The following MYO16 variants were observed in gnomAD, a reference collection of about 807,000 sequenced individuals.
MYO16 encodes myosin XVI.
MYO16 carries 94 observed loss-of-function variants against 205.3 expected under a neutral mutation model. The ratio of observed to expected loss-of-function variants is 0.46; its 90% CI spans 0.39 to 0.54. The LOEUF (loss-of-function observed/expected upper bound fraction) is 0.54, where lower values mean the gene tolerates loss of function less well. Ranked by LOEUF, MYO16 falls within the 20% of genes least tolerant of loss-of-function variation. MYO16 has a pLI of 0.00. For synonymous variants in MYO16, 988 were observed against 954.0 expected (o/e 1.04, Z -0.66); for missense variants, 2,315 against 2,387.5 (o/e 0.97, Z 0.63).
intron 20 of MYO16, among the ~76,000 whole-genome samples, chr13:108,966,828 G>A (rs958982088): frequency 2.0e-5 from 3 of 152,104 alleles, no homozygotes; most frequent in African/African-American, 7.2e-5. Flanking sequence ...TTATGGTTTT[G>A]CAGATTTATA....
intron 9 of MYO16, among the ~76,000 whole-genome samples, chr13:108,840,846 T>C (rs889713377): frequency 1.1e-4 from 17 of 152,186 alleles, no homozygotes; most frequent in Non-Finnish European, 2.2e-4. Context: ...ATCTAAAAAT[T>C]ATTTGGAAGA....
chr13:108,636,346 CTTTTTTTTTTT>C (rs71125326), intron 1 of MYO16, among the ~76,000 whole-genome samples: 1,286 of 81,332 alleles, frequency 0.016, 32 homozygotes, highest in African/African-American at 0.046. Context: ...AAATATTTCC[CTTTTTTTTTTT>C]TTTTTTTTTT....
chr13:108,657,794 C>T (rs1466446906), intron 1 of MYO16, among the ~76,000 whole-genome samples: 7 of 152,078 alleles, frequency 4.6e-5, no homozygotes, highest in African/African-American at 1.4e-4. Context: ...TTTTCCTCTT[C>T]CTACCCACAT....
the MYO16 span, among the ~76,000 whole-genome samples, chr13:108,546,338 A>G: frequency 6.6e-6 from 1 of 152,176 alleles, no homozygotes; most frequent in Non-Finnish European, 1.5e-5. Context: ...GCTTTTCTGA[A>G]AATAGGCTCT....
At chr13:108,821,332 T>A (rs1259993567) in intron 8 of MYO16, among the ~76,000 whole-genome samples, 1 of 152,170 alleles carries the variant, frequency 6.6e-6, no homozygotes, top group East Asian at 1.9e-4. Context: ...CTAATGTTTA[T>A]TACTTCATCT....
intron 23 of MYO16, among the ~76,000 whole-genome samples, chr13:109,041,449 G>A (rs576869875): frequency 1.3e-5 from 2 of 152,202 alleles, no homozygotes; most frequent in Non-Finnish European, 2.9e-5. Flanking sequence ...AATGAAGTGG[G>A]AGGAATTCAC....
the MYO16 span, among the ~76,000 whole-genome samples, chr13:108,570,637 G>T: frequency 6.6e-6 from 1 of 152,184 alleles, no homozygotes; most frequent in Admixed American, 6.5e-5. Context: ...TTTCTTACCT[G>T]TTTGCTTACT....
chr13:109,019,634 AAGC>A (rs1192163504), intron 22 of MYO16, 74 bp from the exon 23 acceptor site: 2 of 1,141,808 alleles, frequency 1.8e-6, no homozygotes, highest in Non-Finnish European at 2.5e-6. Context: ...AAATATAAGC[AAGC>A]ATGCTTGAAT....
At chr13:108,670,162 T>G (rs1881924495) in intron 2 of MYO16, among the ~76,000 whole-genome samples, 2 of 152,316 alleles carry the variant, frequency 1.3e-5, no homozygotes, top group South Asian at 4.1e-4. Flanking sequence ...AGGCAATTGA[T>G]GGAGCAAGCC....
intron 23 of MYO16, among the ~76,000 whole-genome samples, chr13:109,022,888 A>G (rs186015699): frequency 0.016 from 2,181 of 135,498 alleles, 67 homozygotes; most frequent in African/African-American, 0.056. Flanking sequence ...TATTTATTAT[A>G]TATACACATG....
At chr13:108,973,886 A>G (rs1407925858) in intron 20 of MYO16, among the ~76,000 whole-genome samples, 1 of 152,144 alleles carries the variant, frequency 6.6e-6, no homozygotes, top group Non-Finnish European at 1.5e-5. Flanking sequence ...ATTAGAGGGA[A>G]AAATATTCCA....
intron 1 of MYO16, among the ~76,000 whole-genome samples, chr13:108,611,551 T>A (rs928820822): frequency 6.6e-6 from 1 of 152,188 alleles, no homozygotes; most frequent in African/African-American, 2.4e-5. Flanking sequence ...GACCATTTGA[T>A]GAATATAAAA....
intron 27 of MYO16, among the ~76,000 whole-genome samples, chr13:109,093,741 C>T (rs889917996): frequency 6.6e-6 from 1 of 152,134 alleles, no homozygotes; most frequent in Non-Finnish European, 1.5e-5. Context: ...CACGTTTTTA[C>T]CTCTTCCGTC....
At chr13:109,003,106 G>GA (rs897377294) in intron 21 of MYO16, among the ~76,000 whole-genome samples, 13 of 151,492 alleles carry the variant, frequency 8.6e-5, no homozygotes, top group South Asian at 8.3e-4. Flanking sequence ...AAATTATTTT[G>GA]AAAAAAAACA....
the MYO16 span, among the ~76,000 whole-genome samples, chr13:108,573,264 G>A: frequency 2.0e-5 from 3 of 152,184 alleles, no homozygotes; most frequent in Admixed American, 6.5e-5. Context: ...TATCTTAGAT[G>A]CGGATTATAG....
intron 32 of MYO16, among the ~76,000 whole-genome samples, chr13:109,142,522 A>AG (rs1256727213): frequency 6.6e-6 from 1 of 152,114 alleles, no homozygotes; most frequent in Non-Finnish European, 1.5e-5. Context: ...AAAGGACCCA[A>AG]GGCTACTCCC....
the MYO16 span, among the ~76,000 whole-genome samples, chr13:108,503,378 C>T: frequency 6.6e-6 from 1 of 152,000 alleles, no homozygotes; most frequent in Non-Finnish European, 1.5e-5. Context: ...GAGATGATTT[C>T]AAAGCAGACC....
chr13:109,131,220 A>G (rs1876516211), intron 31 of MYO16, among the ~76,000 whole-genome samples: 2 of 152,222 alleles, frequency 1.3e-5, no homozygotes, highest in Admixed American at 1.3e-4. Context: ...TTTCCTTTAC[A>G]AATAAAGCTG....
the MYO16 span, among the ~76,000 whole-genome samples, chr13:108,501,716 C>T: frequency 6.6e-6 from 1 of 152,200 alleles, no homozygotes; most frequent in Non-Finnish European, 1.5e-5. Context: ...CTAAACATGT[C>T]CTTTGCACGT....
Sources: allele counts gnomAD v4.1 joint callset (sites outside exome capture counted in the v4.1 genomes callset), GRCh38; gene constraint gnomAD v4.1.1; transcripts MANE v1.5; gene names NCBI Gene and HGNC (gene_info 2026-07-23, HGNC 2026-07-21).